The following AGBL1 variants were observed in gnomAD, a reference collection of about 807,000 sequenced individuals.
AGBL1 encodes AGBL carboxypeptidase 1.
In AGBL1, 130 loss-of-function variants were observed where a neutral mutation model predicts 118.9. That is an observed-to-expected ratio of 1.09 (90% CI 0.95 to 1.26). The LOEUF is 1.26. Among genes scored for constraint, AGBL1 ranks in the 50% most tolerant of loss-of-function variants. AGBL1 has a pLI of 0.00. For missense variants in AGBL1, 1,584 were observed against 1,298.1 expected, an observed-to-expected ratio of 1.22 and a Z score of -3.38; for synonymous variants, 555 against 478.9, an observed-to-expected ratio of 1.16 and a Z score of -2.08.
At chr15:86,449,924 C>A (rs968798201) in intron 18 of AGBL1, among the ~76,000 whole-genome samples, 5 of 146,600 alleles carry the variant, frequency 3.4e-5, no homozygotes, top group African/African-American at 1.3e-4. Flanking sequence ...AAATAAAACC[C>A]CTTTCTCTTT....
chr15:86,626,004 GTAA>G (rs942749658), intron 21 of AGBL1, among the ~76,000 whole-genome samples: 7 of 152,136 alleles, frequency 4.6e-5, no homozygotes, highest in African/African-American at 1.7e-4. Context: ...GTATCAACAG[GTAA>G]TAACACAAAG....
chr15:87,017,960 T>C (rs1398442063), intron 24 of AGBL1, among the ~76,000 whole-genome samples: 2 of 142,410 alleles, frequency 1.4e-5, no homozygotes, highest in Non-Finnish European at 2.9e-5. Context: ...ATAACCAACC[T>C]AAAGGAGCTG....
chr15:86,499,602 G>A (rs561594455), intron 18 of AGBL1, among the ~76,000 whole-genome samples: 29 of 152,010 alleles, frequency 1.9e-4, no homozygotes, highest in South Asian at 2.1e-4. Context: ...GTTATTTATC[G>A]CAGAATAGCA....
intron 18 of AGBL1, among the ~76,000 whole-genome samples, chr15:86,439,290 C>T (rs560131510): frequency 1.4e-4 from 21 of 152,232 alleles, no homozygotes; most frequent in African/African-American, 4.1e-4. Flanking sequence ...ACTCAAGGGT[C>T]GCAAATTTGA....
At chr15:86,567,667 A>G (rs911674947) in intron 21 of AGBL1, among the ~76,000 whole-genome samples, 1 of 152,106 alleles carries the variant, frequency 6.6e-6, no homozygotes, top group Non-Finnish European at 1.5e-5. Flanking sequence ...TTGATCTTTG[A>G]ATGGGGGAGG....
At chr15:86,433,532 A>G (rs1197733792) in intron 18 of AGBL1, among the ~76,000 whole-genome samples, 1 of 152,080 alleles carries the variant, frequency 6.6e-6, no homozygotes, top group Non-Finnish European at 1.5e-5. Flanking sequence ...CCCTTGACTG[A>G]CAGAGCAGCA....
intron 22 of AGBL1, among the ~76,000 whole-genome samples, chr15:86,675,636 G>T (rs948505957): frequency 7.2e-5 from 11 of 152,114 alleles, no homozygotes; most frequent in Admixed American, 5.2e-4. Flanking sequence ...CGTGTGTTTG[G>T]TATCTTTGTG....
intron 19 of AGBL1, among the ~76,000 whole-genome samples, chr15:86,526,296 A>C (rs2083261254): frequency 6.6e-6 from 1 of 152,074 alleles, no homozygotes; most frequent in Admixed American, 6.6e-5. Flanking sequence ...TCTATGAAAA[A>C]CAGTATGGTG....
chr15:86,932,003 T>C (rs1259060528), intron 23 of AGBL1, among the ~76,000 whole-genome samples: 1 of 152,212 alleles, frequency 6.6e-6, no homozygotes, highest in Non-Finnish European at 1.5e-5. Context: ...AAAATGAATG[T>C]AATTGTGGAA....
intron 19 of AGBL1, among the ~76,000 whole-genome samples, chr15:86,538,769 T>C (rs186578992): frequency 6.6e-6 from 1 of 152,158 alleles, no homozygotes; most frequent in African/African-American, 2.4e-5. Context: ...GCAGTTTACA[T>C]TGGCAAAGCA....
intron 22 of AGBL1, among the ~76,000 whole-genome samples, chr15:86,893,453 A>T (rs2080079401): frequency 6.6e-6 from 1 of 152,210 alleles, no homozygotes; most frequent in Non-Finnish European, 1.5e-5. Flanking sequence ...TCACTATAGG[A>T]AGCTGTCTTT....
intron 18 of AGBL1, among the ~76,000 whole-genome samples, chr15:86,419,355 G>A (rs867309692): frequency 6.6e-6 from 1 of 152,156 alleles, no homozygotes; most frequent in Admixed American, 6.5e-5. Context: ...GGAAGTTCAA[G>A]AGGTCAGGAA....
At chr15:87,015,951 C>A (rs189848825) in intron 24 of AGBL1, among the ~76,000 whole-genome samples, 1 of 152,202 alleles carries the variant, frequency 6.6e-6, no homozygotes, top group East Asian at 1.9e-4. Flanking sequence ...CTAGGTGATA[C>A]ACATAAGCAG....
chr15:86,784,881 A>G (rs1222292417), intron 22 of AGBL1, among the ~76,000 whole-genome samples: 1 of 152,170 alleles, frequency 6.6e-6, no homozygotes, highest in Non-Finnish European at 1.5e-5. Context: ...TCTTTGTACT[A>G]CTATCTTTGC....
chr15:86,851,963 C>T (rs187033286), intron 22 of AGBL1, among the ~76,000 whole-genome samples: 3 of 152,222 alleles, frequency 2.0e-5, no homozygotes, highest in Non-Finnish European at 2.9e-5. Context: ...TGTAAAAAGA[C>T]GACTGCATCT....
At chr15:86,310,724 G>A (rs1413819348) in intron 17 of AGBL1, among the ~76,000 whole-genome samples, 2 of 152,216 alleles carry the variant, frequency 1.3e-5, no homozygotes, top group Admixed American at 1.3e-4. Context: ...CTAGAGCCTG[G>A]GGCCACAGAA....
intron 1 of AGBL1, among the ~76,000 whole-genome samples, chr15:86,140,855 A>G (rs185760720): frequency 1.7e-3 from 261 of 152,358 alleles, no homozygotes; most frequent in Admixed American, 3.3e-3. Flanking sequence ...CATCTATTTC[A>G]GGCAGGGTGT....
chr15:86,408,470 A>G (rs1358935536), intron 18 of AGBL1, among the ~76,000 whole-genome samples: 3 of 152,214 alleles, frequency 2.0e-5, no homozygotes, highest in East Asian at 1.9e-4. Flanking sequence ...TTCCTTCCAC[A>G]TGGAACTCAA....
At chr15:86,630,201 TCCC>T (rs1178312696) in intron 21 of AGBL1, 3 of 152,256 alleles carry the variant, frequency 2.0e-5, no homozygotes, top group Non-Finnish European at 4.4e-5. Context: ...TTTGTGTCTA[TCCC>T]TCAGGCATTA....
Sources: allele counts gnomAD v4.1 joint callset (sites outside exome capture counted in the v4.1 genomes callset), GRCh38; gene constraint gnomAD v4.1.1; transcripts MANE v1.5; gene names NCBI Gene and HGNC (gene_info 2026-07-23, HGNC 2026-07-21).